The following FILIP1L variants were observed in gnomAD, a reference collection of about 807,000 sequenced individuals.
FILIP1L encodes the protein filamin A interacting protein 1 like, also known as filamin A-interacting protein 1-like.
In FILIP1L, 55 loss-of-function variants were observed where a neutral mutation model predicts 96.6. The observed-to-expected ratio is 0.57, with a 90% confidence interval of 0.46 to 0.71. FILIP1L has a LOEUF of 0.71. FILIP1L is among the 30% of genes least tolerant of loss of function. FILIP1L has a pLI of 0.00. For missense variants in FILIP1L, 1,304 were observed against 1,321.2 expected (o/e 0.99, Z 0.20); for synonymous variants, 467 against 473.9 (o/e 0.99, Z 0.19).
At chr3:100,066,076 T>A (rs1559745714) in intron 1 of FILIP1L, among the ~76,000 whole-genome samples, 2 of 152,236 alleles carry the variant, frequency 1.3e-5, no homozygotes, top group Non-Finnish European at 2.9e-5. Flanking sequence ...ATAAGAGAAC[T>A]TAGAGAGATG....
chr3:99,887,818 T>A (rs1051212167), intron 4 of FILIP1L, among the ~76,000 whole-genome samples: 2 of 152,152 alleles, frequency 1.3e-5, no homozygotes, highest in African/African-American at 4.8e-5. Context: ...CACTGCAGCC[T>A]CGACCTCTTG....
intron 1 of FILIP1L, among the ~76,000 whole-genome samples, chr3:100,094,642 A>G (rs1576051490): frequency 8.8e-6 from 1 of 113,054 alleles, no homozygotes; most frequent in South Asian, 2.9e-4. Flanking sequence ...TGGATGTCCA[A>G]TTTCTCCAGC....
chr3:100,046,183 C>T (rs2065276167), intron 1 of FILIP1L, among the ~76,000 whole-genome samples: 1 of 152,128 alleles, frequency 6.6e-6, no homozygotes. Flanking sequence ...ACTGATAACT[C>T]TATGAATCTA....
chr3:100,071,605 C>A (rs2065765060), intron 1 of FILIP1L, among the ~76,000 whole-genome samples: 1 of 152,164 alleles, frequency 6.6e-6, no homozygotes, highest in Admixed American at 6.5e-5. Flanking sequence ...TTTTGATGTC[C>A]TCGGGCCAGT....
chr3:100,108,002 G>C (rs1379663715), intron 1 of FILIP1L, among the ~76,000 whole-genome samples: 1 of 152,012 alleles, frequency 6.6e-6, no homozygotes, highest in Non-Finnish European at 1.5e-5. Flanking sequence ...TCAATTTTCT[G>C]GGATTTTTCT....
chr3:100,070,703 C>T lies in FILIP1L; in HGVS notation c.-11+43350G>A, dbSNP rs545524272. Among the ~76,000 whole-genome samples, 34 of 152,312 alleles carry T rather than the reference C, an allele frequency of 2.2e-4. No individual in the cohort carries two copies. The South Asian group carries it at 6.4e-3, about 29-fold the overall frequency. Reference sequence around the variant, plus strand: ...CTGGAGTGCAGTGGCGCAATCTCGGCTCACTGCAACCTCCACCTCCCGGGT... The same window carrying T: ...CTGGAGTGCAGTGGCGCAATCTCGGTTCACTGCAACCTCCACCTCCCGGGT... On this transcript the variant is annotated intron_variant, in intron 1 of 5. Transcript: ENST00000477258.
intron 1 of FILIP1L, among the ~76,000 whole-genome samples, chr3:99,952,807 C>T (rs1219199986): frequency 6.6e-6 from 1 of 152,096 alleles, no homozygotes; most frequent in African/African-American, 2.4e-5. Context: ...GAAAACGTGT[C>T]TTACAGATTT....
In FILIP1L at chr3:99,924,105, C is replaced by A. The variant is rs1707210923; in HGVS notation, c.605+125G>T. On this transcript the variant is annotated intron_variant, in intron 4 of 5. Coordinates refer to ENST00000477258, the MANE Select transcript of FILIP1L (RefSeq NM_001387850.1). Reference sequence around the variant, plus strand: ...GTCTTCAAACATATCCTTTTCCTCACCCTGGACTATGAGATCTTTGAGAAC... The same window carrying A: ...GTCTTCAAACATATCCTTTTCCTCAACCTGGACTATGAGATCTTTGAGAAC... The A allele has an allele frequency of 1.1e-5, 9 of 809,918 alleles. No homozygotes were observed. The South Asian group carries it at 1.5e-4, about 14-fold the overall frequency. 50.2% of individuals were successfully genotyped at this position (809,918 alleles called of 1,614,324 possible). A position where few individuals can be genotyped will look rare whatever the true frequency, so the allele number is the denominator to read the frequency against.
chr3:99,941,399 G>A (rs998560004), intron 1 of FILIP1L, among the ~76,000 whole-genome samples: 2 of 152,198 alleles, frequency 1.3e-5, no homozygotes, highest in Non-Finnish European at 2.9e-5. Flanking sequence ...TCTGCCAAAG[G>A]GCCTTAGTAA....
chr3:99,959,436 C>T (rs1002302022), intron 1 of FILIP1L, among the ~76,000 whole-genome samples: 5 of 152,338 alleles, frequency 3.3e-5, no homozygotes, highest in African/African-American at 1.2e-4. Context: ...AGGCGTGAGC[C>T]ACCGGGCCTG....
At chr3:99,876,181 GC>G (rs1311907683) in intron 4 of FILIP1L, 23 of 985,368 alleles carry the variant, frequency 2.3e-5, no homozygotes, top group Non-Finnish European at 2.5e-5. Flanking sequence ...TGCGAGCGGG[GC>G]GCTGAGCGCG....
intron 1 of FILIP1L, among the ~76,000 whole-genome samples, chr3:99,959,331 G>A (rs1288220787): frequency 1.3e-4 from 20 of 152,256 alleles, no homozygotes; most frequent in Admixed American, 1.3e-3. Flanking sequence ...TGTATTTTTA[G>A]CAGAGGCGGG....
intron 1 of FILIP1L, among the ~76,000 whole-genome samples, chr3:99,934,717 A>G (rs983369902): frequency 9.2e-5 from 14 of 152,370 alleles, no homozygotes; most frequent in Middle Eastern, 3.4e-3. Context: ...TATACATTCT[A>G]GCTTCCTCAC....
At chr3:99,835,007 C>A (rs530226393) in intron 5 of FILIP1L, among the ~76,000 whole-genome samples, 1 of 152,224 alleles carries the variant, frequency 6.6e-6, no homozygotes, top group Non-Finnish European at 1.5e-5. Context: ...TGATCATCAT[C>A]AGCATCATCT....
intron 1 of FILIP1L, among the ~76,000 whole-genome samples, chr3:100,041,965 T>G (rs571128359): frequency 6.6e-6 from 1 of 152,198 alleles, no homozygotes; most frequent in African/African-American, 2.4e-5. Context: ...ACAGGGACCA[T>G]TGCCATTCCT....
chr3:99,907,256 T>C (rs1432271057), intron 4 of FILIP1L, among the ~76,000 whole-genome samples: 1 of 152,126 alleles, frequency 6.6e-6, no homozygotes, highest in Non-Finnish European at 1.5e-5. Context: ...TTTTCTTTTT[T>C]ATTTTTTTTG....
intron 1 of FILIP1L, among the ~76,000 whole-genome samples, chr3:100,084,704 T>C (rs1259233168): frequency 6.6e-6 from 1 of 152,210 alleles, no homozygotes; most frequent in African/African-American, 2.4e-5. Flanking sequence ...GATATGGATA[T>C]TACAGATCAA....
intron 1 of FILIP1L, among the ~76,000 whole-genome samples, chr3:100,037,278 G>C (rs1260419821): frequency 2.0e-5 from 3 of 152,048 alleles, no homozygotes; most frequent in Non-Finnish European, 4.4e-5. Flanking sequence ...TACTCAGATG[G>C]TTTAGAAAAA....
chr3:99,997,151 C>G (rs1475329846), intron 1 of FILIP1L, among the ~76,000 whole-genome samples: 2 of 151,958 alleles, frequency 1.3e-5, no homozygotes, highest in East Asian at 3.9e-4. Flanking sequence ...ACAAGAAAAA[C>G]CATACAAAGG....
Sources: allele counts gnomAD v4.1 joint callset (sites outside exome capture counted in the v4.1 genomes callset), GRCh38; gene constraint gnomAD v4.1.1; transcripts MANE v1.5; gene names NCBI Gene and HGNC (gene_info 2026-07-23, HGNC 2026-07-21).